The following SPATA17 variants were observed in gnomAD, a reference collection of about 807,000 sequenced individuals.
The protein encoded by SPATA17 is spermatogenesis-associated protein 17.
In SPATA17, 53 loss-of-function variants were observed where a neutral mutation model predicts 62.2. The ratio of observed to expected loss-of-function variants is 0.85; its 90% confidence interval spans 0.68 to 1.07. SPATA17 has a LOEUF of 1.07. Ranked by LOEUF, SPATA17 falls within the 50% of genes least tolerant of loss-of-function variation. The probability of loss-of-function intolerance (pLI) is 0.00; values close to 1 mark genes in which losing one functional copy is unlikely to be tolerated. For missense variants in SPATA17, 466 were observed against 425.5 expected (o/e 1.10, Z -0.84); for synonymous variants, 146 against 146.8 (o/e 0.99, Z 0.04).
At chr1:217,849,297 T>A (rs1256193134) in intron 9 of SPATA17, among the ~76,000 whole-genome samples, 4 of 152,166 alleles carry the variant, frequency 2.6e-5, no homozygotes, top group Non-Finnish European at 5.9e-5. Context: ...TGACTTTCTG[T>A]GGATGGGCCA....
intron 9 of SPATA17, among the ~76,000 whole-genome samples, chr1:217,829,614 C>T (rs12048355): frequency 0.14 from 14,447 of 105,530 alleles, 921 homozygotes; most frequent in Middle Eastern, 0.36. Context: ...GGTGACAGAG[C>T]GAGACTCCAT....
At chr1:217,733,660 C>A (rs901403959) in intron 5 of SPATA17, among the ~76,000 whole-genome samples, 2 of 152,144 alleles carry the variant, frequency 1.3e-5, no homozygotes, top group Non-Finnish European at 2.9e-5. Flanking sequence ...CTTGAATAAA[C>A]AAATGAGTGT....
rs1378577956 is a variant in SPATA17, at chr1:217,721,663, G to T, written c.396-20312G>T. 3.3e-5 allele frequency among the ~76,000 whole-genome samples: 5 copies of T among 152,042 alleles called. No individual in the cohort carries two copies. In the East Asian group the frequency reaches 9.6e-4, roughly 29 times the overall value. ...GATTCAATCCTTGGCTCTTACTTTT[G>T]ATCTGGCTTATCCCTTAAAGGATAT... On this transcript the variant is annotated intron_variant, in intron 5 of 10. Coordinates refer to ENST00000366933, the MANE Select transcript of SPATA17 (RefSeq NM_138796.4).
chr1:217,711,039 C>A (rs1322754992), intron 5 of SPATA17, among the ~76,000 whole-genome samples: 2 of 152,166 alleles, frequency 1.3e-5, no homozygotes, highest in Non-Finnish European at 2.9e-5. Flanking sequence ...TATGAATAAA[C>A]CACATATTTA....
At chr1:217,850,141 C>T (rs1376733035) in intron 9 of SPATA17, among the ~76,000 whole-genome samples, 1 of 152,110 alleles carries the variant, frequency 6.6e-6, no homozygotes, top group Admixed American at 6.6e-5. Context: ...CACCACTATC[C>T]TAAAACTGGA....
intron 6 of SPATA17, among the ~76,000 whole-genome samples, chr1:217,762,884 A>G (rs1210888175): frequency 1.3e-5 from 2 of 152,088 alleles, no homozygotes; most frequent in Non-Finnish European, 2.9e-5. Context: ...AGGTGGGAGA[A>G]TTACTTGAAC....
rs1421910583 is a variant in SPATA17 at position 217,795,453 on chromosome 1, T to G, written c.873-6265T>G. On this transcript the variant is annotated intron_variant, in intron 8 of 10. Coordinates refer to ENST00000366933, the MANE Select transcript of SPATA17 (RefSeq NM_138796.4). ...GGTGTGATCTCGGCTCGCTGCAAAC[T>G]CCGCCTCTGGCGTTCAATTGATTCT... is the stretch of plus-strand genomic sequence containing the variant. Among the ~76,000 whole-genome samples the G allele has an allele frequency of 5.9e-5, 8 of 134,678 alleles. No homozygotes were observed. The Admixed American group carries it at 6.7e-4, about 11-fold the overall frequency. The allele number at this position is 134,678 out of a possible 152,430, so 88.4% of individuals were successfully genotyped here.
At chr1:217,856,791 T>G (rs1025777865) in intron 9 of SPATA17, among the ~76,000 whole-genome samples, 1 of 152,216 alleles carries the variant, frequency 6.6e-6, no homozygotes, top group Non-Finnish European at 1.5e-5. Context: ...TTGTCAGAAC[T>G]GTAGAGATCC....
chr1:217,679,105 C>T (rs1161865747), intron 4 of SPATA17, among the ~76,000 whole-genome samples: 1 of 152,228 alleles, frequency 6.6e-6, no homozygotes, highest in East Asian at 1.9e-4. Flanking sequence ...ACAGTCTCAT[C>T]TATATTGTAT....
chr1:217,869,296 T>C lies in SPATA17; in HGVS notation c.*2277T>C, dbSNP rs1676082957. 1 of 152,148 alleles carries C rather than the reference T, an allele frequency of 6.6e-6. No individual in the cohort carries two copies. Among genetic ancestry groups the C allele is most frequent in the Non-Finnish European group, 1.5e-5 (1 of 68,026 alleles). The allele number at this position is 152,148 out of a possible 1,614,324, so 9.4% of individuals were successfully genotyped here. A position where few individuals can be genotyped will look rare whatever the true frequency, so the allele number is the denominator to read the frequency against. On this transcript the variant is annotated 3_prime_UTR_variant, in exon 11 of 11. Transcript: ENST00000366933. ...TGGCAATTGGTTCAAAGAATTTATC[T>C]AAAGACCTGGAATCCATAGAAGGCT...
chr1:217,843,495 A>G (rs1318822721), intron 9 of SPATA17, among the ~76,000 whole-genome samples: 1 of 152,012 alleles, frequency 6.6e-6, no homozygotes, highest in Non-Finnish European at 1.5e-5. Context: ...ATATATCATG[A>G]AGCTTTATTT....
chr1:217,784,174 T>G (rs1161029308), intron 8 of SPATA17, among the ~76,000 whole-genome samples: 3 of 152,116 alleles, frequency 2.0e-5, no homozygotes, highest in Admixed American at 2.0e-4. Flanking sequence ...AAAAGAAATG[T>G]TAGAAATATA....
rs1672631191 is a variant in SPATA17, at chr1:217,741,847, A to G, written c.396-128A>G. Reference sequence around the variant, plus strand: ...TTCATGTAGAAAATGCAGGTAAGATAGATTACACCACTGATTTGGATGGAT... The same window carrying G: ...TTCATGTAGAAAATGCAGGTAAGATGGATTACACCACTGATTTGGATGGAT... On this transcript the variant is annotated intron_variant, in intron 5 of 10. Coordinates refer to ENST00000366933, the MANE Select transcript of SPATA17 (RefSeq NM_138796.4). 3 of 942,420 alleles carry G rather than the reference A, an allele frequency of 3.2e-6. No homozygotes were observed. The South Asian group carries it at 5.5e-5, about 17-fold the overall frequency. The allele number at this position is 942,420 out of a possible 1,614,324, so 58.4% of individuals were successfully genotyped here.
At chr1:217,748,688 G>A (rs887405324) in intron 6 of SPATA17, among the ~76,000 whole-genome samples, 3 of 148,504 alleles carry the variant, frequency 2.0e-5, no homozygotes, top group African/African-American at 7.5e-5. Flanking sequence ...AGGTTGCAGT[G>A]AGCCGAGATC....
chr1:217,831,778 A>G (rs1406577186), intron 9 of SPATA17, among the ~76,000 whole-genome samples: 1 of 152,166 alleles, frequency 6.6e-6, no homozygotes, highest in Non-Finnish European at 1.5e-5. Context: ...GCTATAGATC[A>G]GGATGACATT....
intron 1 of SPATA17, among the ~76,000 whole-genome samples, chr1:217,643,184 T>G (rs537116521): frequency 6.6e-6 from 1 of 151,822 alleles, no homozygotes; most frequent in African/African-American, 2.4e-5. Flanking sequence ...TTTTTTCTCT[T>G]ACCTTTTCTG....
intron 5 of SPATA17, among the ~76,000 whole-genome samples, chr1:217,738,220 T>C (rs2102945687): frequency 6.6e-6 from 1 of 152,224 alleles, no homozygotes; most frequent in Admixed American, 6.5e-5. Flanking sequence ...AAGGAGAAAT[T>C]TATTTGCATG....
intron 5 of SPATA17, among the ~76,000 whole-genome samples, chr1:217,714,787 A>G (rs1303605649): frequency 6.6e-6 from 1 of 150,698 alleles, no homozygotes; most frequent in African/African-American, 2.5e-5. Context: ...GCCCAGCCGG[A>G]AAACGTGTTT....
At position 217,633,197 on chromosome 1, in the gene SPATA17, CAAATAAATAAAT is replaced by C. The variant is rs139113077; in HGVS notation, c.68+1778_68+1789del. On this transcript the variant is annotated intron_variant, in intron 1 of 10. Coordinates refer to ENST00000366933, the MANE Select transcript of SPATA17 (RefSeq NM_138796.4). ...TGGGCGACAGAGCAAGACTCTGTCT[CAAATAAATAAAT>C]AAATAAATAAATAAATAAATAAATA... 7.9e-3 allele frequency among the ~76,000 whole-genome samples: 1,158 copies of C among 145,840 alleles called. 14 individuals are homozygous for C. Among genetic ancestry groups the C allele is most frequent in the African/African-American group, 0.027 (1,065 of 39,524 alleles).
Sources: allele counts gnomAD v4.1 joint callset (sites outside exome capture counted in the v4.1 genomes callset), GRCh38; gene constraint gnomAD v4.1.1; transcripts MANE v1.5; gene names NCBI Gene and HGNC (gene_info 2026-07-23, HGNC 2026-07-21).